ANKS1B: variants seen among roughly 807,000 people sequenced by gnomAD.
ANKS1B encodes the protein ankyrin repeat and sterile alpha motif domain containing 1B.
A neutral mutation model predicts 148.3 loss-of-function variants in ANKS1B; 36 were observed. The ratio of observed to expected loss-of-function variants is 0.24; its 90% CI spans 0.19 to 0.32. ANKS1B has a LOEUF of 0.32. ANKS1B is among the 10% of genes least tolerant of loss of function. ANKS1B has a pLI of 1.00. For missense variants in ANKS1B, 1,157 were observed against 1,542.6 expected (o/e 0.75, Z 4.19); for synonymous variants, 542 against 560.8 (o/e 0.97, Z 0.47).
chr12:99,869,411 C>T (rs1171535442), intron 1 of ANKS1B, among the ~76,000 whole-genome samples: 4 of 151,864 alleles, frequency 2.6e-5, no homozygotes, highest in Admixed American at 6.6e-5. Flanking sequence ...CGGTGGCTCA[C>T]GCCTGTAATC....
At chr12:99,810,356 A>G (rs906305245) in intron 3 of ANKS1B, among the ~76,000 whole-genome samples, 2 of 151,996 alleles carry the variant, frequency 1.3e-5, no homozygotes, top group Non-Finnish European at 2.9e-5. Flanking sequence ...GTTTAAATAC[A>G]TAAAAGTTTA....
At chr12:99,704,680 C>A (rs1010490150) in intron 8 of ANKS1B, among the ~76,000 whole-genome samples, 10 of 151,982 alleles carry the variant, frequency 6.6e-5, no homozygotes, top group Non-Finnish European at 1.0e-4. Context: ...GGCTCTCCAG[C>A]TTAATATTGG....
intron 12 of ANKS1B, among the ~76,000 whole-genome samples, chr12:99,298,071 T>C (rs1294385476): frequency 1.3e-5 from 2 of 152,218 alleles, no homozygotes; most frequent in Non-Finnish European, 2.9e-5. Flanking sequence ...TTCCTCTTTC[T>C]GTATACTCTG....
At chr12:99,502,144 T>A (rs960618040) in intron 10 of ANKS1B, among the ~76,000 whole-genome samples, 1 of 152,136 alleles carries the variant, frequency 6.6e-6, no homozygotes, top group Admixed American at 6.6e-5. Context: ...CCTTCCTCTA[T>A]CACACCTGAT....
chr12:99,487,175 T>C (rs918309843), intron 10 of ANKS1B, among the ~76,000 whole-genome samples: 10 of 152,164 alleles, frequency 6.6e-5, no homozygotes, highest in African/African-American at 2.2e-4. Flanking sequence ...AACCACAGGG[T>C]ATTCCCTTGA....
At position 99,077,696 on chromosome 12, in the gene ANKS1B, T is replaced by C. The variant is rs549201896; in HGVS notation, c.2625+7229A>G. Among the ~76,000 whole-genome samples the C allele has an allele frequency of 7.2e-5, 11 of 152,332 alleles. No homozygotes were observed. The South Asian group carries it at 1.5e-3, about 20-fold the overall frequency. ...AGGACTTAGAGAGCACTAGCGTCTT[T>C]AAGAGAATGACTCTGTTCTCTTGAA... On this transcript the variant is annotated intron_variant, in intron 16 of 26. Transcript: ENST00000683438.
intron 17 of ANKS1B, among the ~76,000 whole-genome samples, chr12:99,010,896 CTTTTGTTTTTTTTTTT>C (rs2099938971): frequency 8.8e-6 from 1 of 113,844 alleles, no homozygotes; most frequent in Admixed American, 8.9e-5. Context: ...CAGGTGTGAG[CTTTTGTTTTTTTTTTT>C]TTTTTTTTTT....
At chr12:99,832,458 G>A (rs903143432) in intron 1 of ANKS1B, among the ~76,000 whole-genome samples, 1 of 151,784 alleles carries the variant, frequency 6.6e-6, no homozygotes, top group Non-Finnish European at 1.5e-5. Flanking sequence ...GGGTAGCGGC[G>A]GGTGCTTGTA....
chr12:99,460,665 A>G (rs1302326450), intron 10 of ANKS1B, among the ~76,000 whole-genome samples: 1 of 152,138 alleles, frequency 6.6e-6, no homozygotes, highest in Non-Finnish European at 1.5e-5. Flanking sequence ...ATCACTAATG[A>G]TCAGGGAAAT....
At chr12:99,183,413 G>A (rs1472186783) in intron 14 of ANKS1B, among the ~76,000 whole-genome samples, 2 of 152,210 alleles carry the variant, frequency 1.3e-5, no homozygotes, top group Admixed American at 1.3e-4. Context: ...GGAGGCCAAG[G>A]CGGGCGGATC....
chr12:99,893,596 A>G (rs1013993111), intron 1 of ANKS1B, among the ~76,000 whole-genome samples: 2 of 152,188 alleles, frequency 1.3e-5, no homozygotes, highest in Admixed American at 6.5e-5. Context: ...GCCAAAAAAG[A>G]AAAACAATAT....
chr12:99,371,947 C>G (rs1170587650), intron 12 of ANKS1B, among the ~76,000 whole-genome samples: 1 of 152,016 alleles, frequency 6.6e-6, no homozygotes, highest in Non-Finnish European at 1.5e-5. Flanking sequence ...CCCAAACTAA[C>G]ACTATTATTA....
intron 17 of ANKS1B, among the ~76,000 whole-genome samples, chr12:98,868,197 A>C (rs903154979): frequency 3.9e-5 from 6 of 152,118 alleles, no homozygotes; most frequent in Non-Finnish European, 4.4e-5. Context: ...ATAGATAAAA[A>C]CCCGTAATTC....
intron 1 of ANKS1B, among the ~76,000 whole-genome samples, chr12:99,880,472 CT>C: frequency 6.6e-6 from 1 of 152,142 alleles, no homozygotes; most frequent in Admixed American, 6.5e-5. Context: ...CTCTAGCTCT[CT>C]TATGGAATGC....
intron 12 of ANKS1B, among the ~76,000 whole-genome samples, chr12:99,345,882 C>T (rs111748414): frequency 0.012 from 1,788 of 152,028 alleles, 36 homozygotes; most frequent in African/African-American, 0.04. Flanking sequence ...TCTTTGTGCA[C>T]GGATAACCTT....
At position 99,903,363 on chromosome 12, in the gene ANKS1B, G is replaced by T. The variant is rs1603448787; in HGVS notation, c.135-77974C>A. ...CTTCCCTATGATTTTCAAACTAGAAGCTGAAAGGGAAGTTCCCCTTCCTCT... is the reference window on the plus strand; with the variant it reads ...CTTCCCTATGATTTTCAAACTAGAATCTGAAAGGGAAGTTCCCCTTCCTCT... On this transcript the variant is annotated intron_variant, in intron 1 of 26. Transcript: ENST00000683438. 2.6e-5 allele frequency among the ~76,000 whole-genome samples: 4 copies of T among 152,274 alleles called. 1 individual carries two copies. The highest frequency in any genetic ancestry group is 2.6e-4 in the Admixed American group (4 of 15,290).
Position 99,648,642 on chromosome 12 carries a change from G to C in ANKS1B, c.1272+6425C>G, listed in dbSNP as rs150228563. On this transcript the variant is annotated intron_variant, in intron 9 of 26. Coordinates refer to ENST00000683438, the MANE Select transcript of ANKS1B (RefSeq NM_001352186.2). ...TTTATCTTCAGCTGTGTCCTCCATC[G>C]GATGCAAGTGAAGACCTTTTTGTTC... The C allele has an allele frequency of 3.6e-4, 577 of 1,614,142 alleles. 1 individual carries two copies. In the African/African-American group the frequency reaches 6.8e-3, roughly 19 times the overall value.
intron 17 of ANKS1B, among the ~76,000 whole-genome samples, chr12:99,025,611 A>G (rs2099948283): frequency 6.6e-6 from 1 of 152,194 alleles, no homozygotes. Context: ...TGAAATAGGA[A>G]AGGGCAAGGA....
intron 10 of ANKS1B, among the ~76,000 whole-genome samples, chr12:99,475,692 A>C (rs2096307701): frequency 6.6e-6 from 1 of 151,848 alleles, no homozygotes; most frequent in South Asian, 2.1e-4. Context: ...AATAACAAAG[A>C]AAGTATGAAA....
Sources: gnomAD v4.1 joint callset for allele counts (sites outside exome capture counted in the v4.1 genomes callset) on GRCh38, gnomAD v4.1.1 for gene constraint, MANE v1.5 for transcripts, NCBI Gene and HGNC (gene_info 2026-07-23, HGNC 2026-07-21) for gene names.